Variants in SGCZ observed in about 807,000 individuals in gnomAD.
SGCZ encodes the protein zeta-sarcoglycan.
Under a neutral mutation model 41.3 loss-of-function variants are expected in SGCZ, and 40 were observed. The ratio of observed to expected loss-of-function variants is 0.97; its 90% CI spans 0.75 to 1.26. The LOEUF is 1.26. Ranked by LOEUF, SGCZ falls within the 50% of genes most tolerant of loss-of-function variation. SGCZ has a pLI of 0.00. For missense variants in SGCZ, 552 were observed against 369.8 expected, an observed-to-expected ratio of 1.49 and a Z score of -4.04; for synonymous variants, 206 against 137.5, an observed-to-expected ratio of 1.50 and a Z score of -3.49.
chr8:14,250,382 AT>A (rs1055639948), intron 3 of SGCZ, among the ~76,000 whole-genome samples: 70 of 151,952 alleles, frequency 4.6e-4, no homozygotes, highest in African/African-American at 1.2e-3. Context: ...ATGTGTCGAA[AT>A]TTTTTTTTAA....
At chr8:14,111,931 A>C (rs913363596) in intron 5 of SGCZ, among the ~76,000 whole-genome samples, 1 of 152,226 alleles carries the variant, frequency 6.6e-6, no homozygotes, top group Non-Finnish European at 1.5e-5. Flanking sequence ...TATTAAAATT[A>C]AATGTAAGCA....
At chr8:14,772,396 T>TA (rs1800269617) in intron 1 of SGCZ, among the ~76,000 whole-genome samples, 1 of 151,944 alleles carries the variant, frequency 6.6e-6, no homozygotes, top group Non-Finnish European at 1.5e-5. Flanking sequence ...TGTTCCCTAA[T>TA]AAAAATAACA....
chr8:15,181,681 T>C (rs936361477), intron 1 of SGCZ, among the ~76,000 whole-genome samples: 7 of 152,182 alleles, frequency 4.6e-5, no homozygotes, highest in African/African-American at 1.2e-4. Flanking sequence ...AAAAAGCAGA[T>C]AACTTTTCGA....
intron 1 of SGCZ, among the ~76,000 whole-genome samples, chr8:14,583,455 T>C (rs1025493965): frequency 6.6e-6 from 1 of 152,116 alleles, no homozygotes; most frequent in South Asian, 2.1e-4. Flanking sequence ...TTTTGTAGGT[T>C]GCCTGTTCAC....
At chr8:14,820,930 A>C (rs935099357) in intron 1 of SGCZ, among the ~76,000 whole-genome samples, 1 of 151,624 alleles carries the variant, frequency 6.6e-6, no homozygotes, top group African/African-American at 2.4e-5. Flanking sequence ...ACAAAAAAAA[A>C]ACACTAGAAA....
chr8:14,826,632 A>T (rs1478839464), intron 1 of SGCZ, among the ~76,000 whole-genome samples: 1 of 152,038 alleles, frequency 6.6e-6, no homozygotes, highest in Non-Finnish European at 1.5e-5. Flanking sequence ...CATTCTAACT[A>T]GTGTGAGATG....
chr8:14,335,924 T>TA (rs977424422), intron 2 of SGCZ, among the ~76,000 whole-genome samples: 5 of 151,976 alleles, frequency 3.3e-5, no homozygotes, highest in Non-Finnish European at 5.9e-5. Flanking sequence ...CCGTATTTTT[T>TA]AAAAAAAACT....
At chr8:14,467,099 C>T (rs1038049345) in intron 2 of SGCZ, among the ~76,000 whole-genome samples, 16 of 151,832 alleles carry the variant, frequency 1.1e-4, no homozygotes, top group Middle Eastern at 3.4e-3. Flanking sequence ...ATAGACTCTT[C>T]CCTTTTAGTG....
intron 2 of SGCZ, among the ~76,000 whole-genome samples, chr8:14,439,310 A>AATATATATATATATATATATATAT (rs57569373): frequency 9.7e-4 from 139 of 142,648 alleles, no homozygotes; most frequent in Middle Eastern, 3.7e-3. Flanking sequence ...AGAAGAAAGA[A>AATATATATATATATATATATATAT]ATATATATAT....
intron 1 of SGCZ, among the ~76,000 whole-genome samples, chr8:14,666,747 T>G (rs1389558958): frequency 6.7e-6 from 1 of 150,154 alleles, no homozygotes; most frequent in African/African-American, 2.5e-5. Flanking sequence ...ACAACAAAAC[T>G]AGGCCACATT....
chr8:15,001,458 G>T (rs1802417657), intron 1 of SGCZ, among the ~76,000 whole-genome samples: 1 of 152,168 alleles, frequency 6.6e-6, no homozygotes, highest in Admixed American at 6.5e-5. Flanking sequence ...GGCCGGGCAT[G>T]GTGGCTCACG....
At chr8:14,198,622 C>A (rs147034440) in intron 4 of SGCZ, among the ~76,000 whole-genome samples, 1 of 151,860 alleles carries the variant, frequency 6.6e-6, no homozygotes. Flanking sequence ...AAAAAAAGAA[C>A]TGATCTTTTT....
chr8:14,246,578 C>G (rs1449669723), intron 3 of SGCZ, among the ~76,000 whole-genome samples: 1 of 148,862 alleles, frequency 6.7e-6, no homozygotes, highest in African/African-American at 2.5e-5. Flanking sequence ...CACATGTACC[C>G]TAAAACTTAA....
At chr8:15,136,044 G>C (rs1286559194) in intron 1 of SGCZ, among the ~76,000 whole-genome samples, 2 of 152,118 alleles carry the variant, frequency 1.3e-5, no homozygotes, top group African/African-American at 4.8e-5. Context: ...TCTAGGTGTT[G>C]ACAGGGCAAT....
chr8:15,011,045 G>A (rs1255918098), intron 1 of SGCZ, among the ~76,000 whole-genome samples: 1 of 151,750 alleles, frequency 6.6e-6, no homozygotes, highest in African/African-American at 2.4e-5. Flanking sequence ...ATCAGTTTTT[G>A]CAATTTTTTC....
chr8:14,431,830 T>C (rs1799950460), intron 2 of SGCZ, among the ~76,000 whole-genome samples: 1 of 151,872 alleles, frequency 6.6e-6, no homozygotes, highest in Non-Finnish European at 1.5e-5. Flanking sequence ...TCAACCAAAT[T>C]AGCAAGAATA....
intron 4 of SGCZ, among the ~76,000 whole-genome samples, chr8:14,217,327 A>T (rs74701958): frequency 0.013 from 1,901 of 150,508 alleles, 11 homozygotes; most frequent in Middle Eastern, 0.021. Context: ...AGCTCTATAG[A>T]TACACACACA....
At chr8:15,171,347 A>T (rs1799823466) in intron 1 of SGCZ, among the ~76,000 whole-genome samples, 1 of 152,232 alleles carries the variant, frequency 6.6e-6, no homozygotes, top group South Asian at 2.1e-4. Flanking sequence ...ATGCTTGAGT[A>T]GCTGGAAACA....
chr8:14,254,741 G>A (rs1266784435), intron 3 of SGCZ, among the ~76,000 whole-genome samples: 2 of 142,700 alleles, frequency 1.4e-5, no homozygotes, highest in African/African-American at 2.4e-5. Flanking sequence ...GAAAGACATC[G>A]TGTCGTCTTT....
Sources: gnomAD v4.1 joint callset for allele counts (sites outside exome capture counted in the v4.1 genomes callset) on GRCh38, gnomAD v4.1.1 for gene constraint, MANE v1.5 for transcripts, NCBI Gene and HGNC (gene_info 2026-07-23, HGNC 2026-07-21) for gene names.